The following PARN variants were observed in gnomAD, a reference collection of about 807,000 sequenced individuals.
PARN encodes poly(A)-specific ribonuclease PARN.
PARN carries 71 observed loss-of-function variants against 102.8 expected under a neutral mutation model. That is an observed-to-expected ratio of 0.69 (90% CI 0.57 to 0.84). PARN has a LOEUF of 0.84. Among genes scored for constraint, PARN ranks in the 40% least tolerant of loss-of-function variants. The probability of loss-of-function intolerance (pLI) is 0.00; values close to 1 mark genes in which losing one functional copy is unlikely to be tolerated. For synonymous variants in PARN, 261 were observed against 252.9 expected (o/e 1.03, Z -0.30); for missense variants, 782 against 760.9 (o/e 1.03, Z -0.33).
intron 22 of PARN, among the ~76,000 whole-genome samples, chr16:14,475,340 T>C (rs184201043): frequency 6.6e-6 from 1 of 151,342 alleles, no homozygotes; most frequent in Admixed American, 6.5e-5. Context: ...GAGTACCTAT[T>C]AGTGAGATCT....
chr16:14,528,066 T>A (rs1195689910), intron 21 of PARN, among the ~76,000 whole-genome samples: 2 of 152,212 alleles, frequency 1.3e-5, no homozygotes, highest in Non-Finnish European at 2.9e-5. Context: ...ACAGAATCTG[T>A]GAATAATGAG....
At chr16:14,495,323 TA>T (rs893344019) in intron 21 of PARN, among the ~76,000 whole-genome samples, 53 of 146,730 alleles carry the variant, frequency 3.6e-4, no homozygotes, top group Non-Finnish European at 5.0e-4. Context: ...CAATGTCCAC[TA>T]AAAAAAAAAA....
intron 12 of PARN, among the ~76,000 whole-genome samples, chr16:14,595,290 C>T (rs984789807): frequency 5.3e-5 from 8 of 152,202 alleles, no homozygotes; most frequent in Non-Finnish European, 7.4e-5. Context: ...AAATAAGTCA[C>T]GTGGTATTGT....
intron 22 of PARN, among the ~76,000 whole-genome samples, chr16:14,467,823 C>A (rs377210490): frequency 6.6e-6 from 1 of 152,300 alleles, no homozygotes; most frequent in East Asian, 1.9e-4. Flanking sequence ...ATTCCTAACA[C>A]GACTTTATAC....
Position 14,617,615 on chromosome 16 carries a change from A to G in PARN, c.363T>C (p.Phe121=). 1 of 1,591,508 alleles carries G rather than the reference A, an allele frequency of 6.3e-7. No homozygotes were observed. The highest frequency in any genetic ancestry group is 8.6e-7 in the Non-Finnish European group (1 of 1,159,456). The change falls in exon 6 of 24, where the codon TTT becomes TTC. Residue 121 remains phenylalanine (F), a synonymous_variant. Transcript: ENST00000437198. ...SSIDFLASQG[F]DFNKVFRNGI... is the part of the protein sequence containing the mutation. ...CATTTCGAAAAACTTTATTAAAATC[A>G]AATCCCTGGCTTGCTAGAAAGTCAA...
In PARN at chr16:14,484,908, G is replaced by GA. The variant is rs547488250; in HGVS notation, c.1481-2082dup. On this transcript the variant is annotated intron_variant, in intron 21 of 23. Transcript: ENST00000437198. ...TTCACTCAAGAGTTAAAGAGAAAAA[G>GA]AAAAAAAAAACCCTCAAAGTATTAG... 6.5e-3 allele frequency among the ~76,000 whole-genome samples: 961 copies of GA among 147,872 alleles called. 14 individuals carry two copies. Among genetic ancestry groups the GA allele is most frequent in the African/African-American group, 0.022 (888 of 40,416 alleles).
At chr16:14,438,359 G>A (rs1412218393) in intron 23 of PARN, among the ~76,000 whole-genome samples, 1 of 149,178 alleles carries the variant, frequency 6.7e-6, no homozygotes, top group African/African-American at 2.5e-5. Context: ...CCAGCTCAGA[G>A]GAAAAAGGAA....
chr16:14,622,417 A>T (rs1972366574), intron 5 of PARN, among the ~76,000 whole-genome samples: 1 of 152,258 alleles, frequency 6.6e-6, no homozygotes, highest in African/African-American at 2.4e-5. Flanking sequence ...CAATTAACTG[A>T]TCAAACAAAT....
intron 22 of PARN, among the ~76,000 whole-genome samples, chr16:14,451,051 A>G (rs775232641): frequency 2.5e-4 from 38 of 152,212 alleles, no homozygotes; most frequent in Non-Finnish European, 4.3e-4. Context: ...CTGGGTCCCA[A>G]TCTGCTTTCC....
intron 21 of PARN, among the ~76,000 whole-genome samples, chr16:14,549,847 C>T (rs938592784): frequency 6.6e-6 from 1 of 152,220 alleles, no homozygotes; most frequent in Non-Finnish European, 1.5e-5. Flanking sequence ...TTCATCCTCA[C>T]AACAATCATG....
At chr16:14,546,218 A>G (rs949133632) in intron 21 of PARN, among the ~76,000 whole-genome samples, 1 of 152,250 alleles carries the variant, frequency 6.6e-6, no homozygotes, top group African/African-American at 2.4e-5. Context: ...TCAGGGCTGA[A>G]CAATCATCCT....
intron 22 of PARN, among the ~76,000 whole-genome samples, chr16:14,462,909 A>C (rs1373253394): frequency 6.6e-6 from 1 of 152,222 alleles, no homozygotes; most frequent in Non-Finnish European, 1.5e-5. Flanking sequence ...GTGATCCCTG[A>C]GAGACAGGAA....
At chr16:14,503,537 G>A (rs1402252691) in intron 21 of PARN, among the ~76,000 whole-genome samples, 1 of 152,122 alleles carries the variant, frequency 6.6e-6, no homozygotes, top group African/African-American at 2.4e-5. Context: ...ACCTACCTGT[G>A]GACACAACAG....
At chr16:14,501,290 A>C (rs56109313) in intron 21 of PARN, among the ~76,000 whole-genome samples, 8,501 of 138,324 alleles carry the variant, frequency 0.061, 636 homozygotes, top group African/African-American at 0.18. Flanking sequence ...AACAAACAAA[A>C]AAACAATAAT....
chr16:14,624,034 T>C (rs1207289801), intron 5 of PARN, among the ~76,000 whole-genome samples: 1 of 152,186 alleles, frequency 6.6e-6, no homozygotes, highest in Non-Finnish European at 1.5e-5. Flanking sequence ...GCCCTACTAT[T>C]CTACAAACAC....
chr16:14,579,339 G>C (rs1372521533), intron 18 of PARN, among the ~76,000 whole-genome samples: 2 of 152,172 alleles, frequency 1.3e-5, no homozygotes, highest in African/African-American at 2.4e-5. Flanking sequence ...TGATAAACTA[G>C]ATGCAGCCCA....
At chr16:14,515,405 A>G (rs889237320) in intron 21 of PARN, among the ~76,000 whole-genome samples, 5 of 152,194 alleles carry the variant, frequency 3.3e-5, no homozygotes, top group Admixed American at 3.3e-4. Context: ...ACATATGTAG[A>G]TGGAAATATT....
chr16:14,473,141 G>T (rs1962843400), intron 22 of PARN, among the ~76,000 whole-genome samples: 1 of 152,164 alleles, frequency 6.6e-6, no homozygotes, highest in African/African-American at 2.4e-5. Context: ...AGAAATGGAG[G>T]TATTTAAAGG....
chr16:14,459,654 C>T (rs951200195), intron 22 of PARN, among the ~76,000 whole-genome samples: 1 of 152,136 alleles, frequency 6.6e-6, no homozygotes, highest in Non-Finnish European at 1.5e-5. Flanking sequence ...TTTGTAGAAA[C>T]TGACAAACTG....
Sources: gnomAD v4.1 joint callset for allele counts (sites outside exome capture counted in the v4.1 genomes callset) on GRCh38, gnomAD v4.1.1 for gene constraint, MANE v1.5 for transcripts, NCBI Gene and HGNC (gene_info 2026-07-23, HGNC 2026-07-21) for gene names.